The following DIP2C variants were observed in gnomAD, a reference collection of about 807,000 sequenced individuals.
DIP2C encodes DIP2 acetate--CoA ligase C (putative).
Under a neutral mutation model 192.4 loss-of-function variants are expected in DIP2C, and 33 were observed. The observed-to-expected ratio is 0.17, with a 90% CI of 0.13 to 0.23. The LOEUF (loss-of-function observed/expected upper bound fraction) is 0.23, where lower values mean the gene tolerates loss of function less well. Ranked by LOEUF, DIP2C falls within the 10% of genes least tolerant of loss-of-function variation. The pLI is 1.00. For missense variants in DIP2C, 1,537 were observed against 2,110.1 expected (o/e 0.73, Z 5.32); for synonymous variants, 979 against 864.1 (o/e 1.13, Z -2.33).
chr10:351,194 G>T (rs143428878), intron 24 of DIP2C, among the ~76,000 whole-genome samples: 2 of 152,286 alleles, frequency 1.3e-5, no homozygotes, highest in South Asian at 4.1e-4. Context: ...CCGCACGGAC[G>T]AACAGTATCT....
chr10:296,112 C>T (rs980964608), intron 32 of DIP2C, among the ~76,000 whole-genome samples: 2 of 152,158 alleles, frequency 1.3e-5, no homozygotes, highest in African/African-American at 2.4e-5. Context: ...TGTGCAGAAG[C>T]TCTTTAGTTT....
intron 6 of DIP2C, among the ~76,000 whole-genome samples, chr10:418,272 A>C (rs558248706): frequency 0.074 from 6,420 of 86,812 alleles, 750 homozygotes; most frequent in South Asian, 0.17. Context: ...GTCAGGCCTC[A>C]GATAGGCATC....
rs74649674 is a variant in DIP2C, at chr10:389,223, A to C, written c.1597+768T>G. Among the ~76,000 whole-genome samples, 1,127 of 152,156 alleles carry C rather than the reference A, an allele frequency of 7.4e-3. 10 individuals carry two copies. Among genetic ancestry groups the C allele is most frequent in the African/African-American group, 0.026 (1,089 of 41,508 alleles). ...GGCATGGGGGTTCTCAAGGGGTCTCAAAGGGCCTCAGGGTACATCACAACG... is the reference window on the plus strand; with the variant it reads ...GGCATGGGGGTTCTCAAGGGGTCTCCAAGGGCCTCAGGGTACATCACAACG... On this transcript the variant is annotated intron_variant, in intron 13 of 36. Transcript: ENST00000280886.
chr10:345,610 C>A (rs1321277318), intron 26 of DIP2C, among the ~76,000 whole-genome samples: 1 of 137,392 alleles, frequency 7.3e-6, no homozygotes, highest in Admixed American at 7.2e-5. Context: ...AAACCCCACA[C>A]TCACCCAACC....
intron 4 of DIP2C, among the ~76,000 whole-genome samples, chr10:428,344 T>C (rs60553947): frequency 0.36 from 54,251 of 152,054 alleles, 11,091 homozygotes; most frequent in Non-Finnish European, 0.47. Context: ...GTAGTTCTGC[T>C]GATAACATAT....
chr10:506,552 T>C (rs893470003), intron 1 of DIP2C, among the ~76,000 whole-genome samples: 3 of 152,150 alleles, frequency 2.0e-5, no homozygotes, highest in Admixed American at 2.0e-4. Flanking sequence ...GGACGCTGAA[T>C]GATACGCCAA....
chr10:440,209 A>T (rs1215554039), intron 4 of DIP2C, among the ~76,000 whole-genome samples: 1 of 152,244 alleles, frequency 6.6e-6, no homozygotes, highest in Non-Finnish European at 1.5e-5. Flanking sequence ...CACAAATATA[A>T]ATGGGCTATT....
intron 2 of DIP2C, among the ~76,000 whole-genome samples, chr10:485,773 A>C (rs1042525117): frequency 6.6e-6 from 1 of 152,202 alleles, no homozygotes; most frequent in Non-Finnish European, 1.5e-5. Context: ...TGAGGAAGAA[A>C]CTGCTTGTGT....
chr10:676,302 C>T (rs1306506228), intron 1 of DIP2C, among the ~76,000 whole-genome samples: 1 of 152,146 alleles, frequency 6.6e-6, no homozygotes, highest in East Asian at 1.9e-4. Context: ...CCACAGCTAA[C>T]ATAATACTGA....
intron 17 of DIP2C, among the ~76,000 whole-genome samples, chr10:381,214 ATTCT>A (rs1962341604): frequency 6.6e-6 from 1 of 152,176 alleles, no homozygotes; most frequent in African/African-American, 2.4e-5. Flanking sequence ...TATACAGATT[ATTCT>A]TTCTTACAGC....
intron 3 of DIP2C, among the ~76,000 whole-genome samples, chr10:467,643 G>A (rs1466851928): frequency 6.7e-6 from 1 of 149,450 alleles, no homozygotes; most frequent in Non-Finnish European, 1.5e-5. Context: ...GTAAATTCAT[G>A]TCCTTTGCAG....
At position 532,702 on chromosome 10, in the gene DIP2C, TGAGAGAGAGTATGGGTGTGA is replaced by T. The variant is rs1170415249; in HGVS notation, c.86-46192_86-46173del. Among the ~76,000 whole-genome samples the T allele has an allele frequency of 9.1e-5, 9 of 98,546 alleles. 1 individual carries two copies. Among genetic ancestry groups the T allele is most frequent in the African/African-American group, 3.4e-4 (9 of 26,178 alleles). 64.7% of individuals were successfully genotyped at this position (98,546 alleles called of 152,430 possible). A position where few individuals can be genotyped will look rare whatever the true frequency, so the allele number is the denominator to read the frequency against. On this transcript the variant is annotated intron_variant, in intron 1 of 36. Transcript: ENST00000280886. Reference sequence around the variant, plus strand: ...GTATGGGTGTGAGAGAGTATGGGTGTGAGAGAGAGTATGGGTGTGAGAGAGAGTATGGGTGTGAGAGAGAG... The same window carrying T: ...GTATGGGTGTGAGAGAGTATGGGTGTGAGAGAGTATGGGTGTGAGAGAGAG...
chr10:384,586 C>T lies in DIP2C; in HGVS notation c.1716G>A (p.Val572=), dbSNP rs750646734. The change falls in exon 15 of 37, where the codon GTG becomes GTA. Residue 572 remains valine (V), a synonymous_variant. Transcript: ENST00000280886. The part of the protein sequence containing the change: ...VISIPYSLMK[V]NPLSWIQKVC... ...CCTTCTGGATCCAGGAGAGAGGGTT[C>T]ACCTTCATCAGCGAGTACGGGATGC... The T allele has an allele frequency of 5.0e-6, 8 of 1,614,002 alleles. No individual in the cohort carries two copies. In the Admixed American group the frequency reaches 1.3e-4, roughly 27 times the overall value.
intron 3 of DIP2C, among the ~76,000 whole-genome samples, chr10:454,588 AAT>A (rs1969130959): frequency 8.2e-6 from 1 of 121,390 alleles, no homozygotes. Context: ...TCATTATTGC[AAT>A]GAGATATTCG....
intron 16 of DIP2C, 123 bp downstream of exon 16, chr10:383,904 G>C: frequency 7.7e-7 from 1 of 1,295,328 alleles, no homozygotes; most frequent in Non-Finnish European, 1.0e-6. Context: ...AAAAATCAAA[G>C]TGCAAAGAAT....
At chr10:627,076 G>A (rs910629032) in intron 1 of DIP2C, among the ~76,000 whole-genome samples, 10 of 152,190 alleles carry the variant, frequency 6.6e-5, no homozygotes, top group Non-Finnish European at 1.0e-4. Flanking sequence ...CCAGGATTTC[G>A]CTCGGCTATG....
intron 1 of DIP2C, chr10:664,147 T>C (rs1372500660): frequency 1.3e-5 from 2 of 150,002 alleles, no homozygotes; most frequent in African/African-American, 5.1e-5. Flanking sequence ...GCATCCGTAG[T>C]GCCAAGGGGA....
At chr10:419,985 A>T (rs1474357064) in intron 5 of DIP2C, among the ~76,000 whole-genome samples, 1 of 152,212 alleles carries the variant, frequency 6.6e-6, no homozygotes, top group African/African-American at 2.4e-5. Context: ...CAGCCCACTG[A>T]TGACGCCCGT....
chr10:550,302 G>A (rs1342101659), intron 1 of DIP2C, among the ~76,000 whole-genome samples: 2 of 152,044 alleles, frequency 1.3e-5, no homozygotes, highest in African/African-American at 4.8e-5. Flanking sequence ...GAGCCACAGT[G>A]CCCGGCCCAT....
Sources: allele counts gnomAD v4.1 joint callset (sites outside exome capture counted in the v4.1 genomes callset), GRCh38; gene constraint gnomAD v4.1.1; transcripts MANE v1.5; gene names NCBI Gene and HGNC (gene_info 2026-07-23, HGNC 2026-07-21).